Variants in STK39 observed in about 807,000 individuals in gnomAD.
The protein encoded by STK39 is STE20/SPS1-related proline-alanine-rich protein kinase.
In STK39, 20 loss-of-function variants were observed where a neutral mutation model predicts 77.8. The observed-to-expected ratio is 0.26, with a 90% CI of 0.18 to 0.37. The LOEUF is 0.37. STK39 is among the 10% of genes least tolerant of loss of function. The pLI is 1.00. For missense variants in STK39, 479 were observed against 656.5 expected (o/e 0.73, Z 2.95); for synonymous variants, 246 against 234.1 (o/e 1.05, Z -0.47).
chr2:168,094,212 T>G (rs1686602367), intron 10 of STK39, among the ~76,000 whole-genome samples: 1 of 152,208 alleles, frequency 6.6e-6, no homozygotes. Flanking sequence ...CAGGCTCAAA[T>G]TCACACTGCC....
rs375929537 is a variant in STK39, at chr2:168,125,220, C to CA, written c.1089+4320dup. On this transcript the variant is annotated intron_variant, in intron 10 of 17. Coordinates refer to ENST00000355999, the MANE Select transcript of STK39 (RefSeq NM_013233.3). ...TATAATAAGAACTGATTTTGATAAT[C>CA]AAAAAAAAAAAGAAGATGCACACAG... 8.4e-3 allele frequency among the ~76,000 whole-genome samples: 1,188 copies of CA among 141,464 alleles called. 13 individuals carry two copies. The highest frequency in any genetic ancestry group is 0.026 in the African/African-American group (1,019 of 38,996). 92.8% of individuals were successfully genotyped at this position (141,464 alleles called of 152,430 possible). A position where few individuals can be genotyped will look rare whatever the true frequency, so the allele number is the denominator to read the frequency against.
intron 17 of STK39, among the ~76,000 whole-genome samples, chr2:167,962,122 AG>A (rs1411798379): frequency 6.6e-6 from 1 of 152,206 alleles, no homozygotes; most frequent in Admixed American, 6.5e-5. Context: ...GACAATTTTC[AG>A]GCCCCTGACG....
At chr2:168,073,420 C>T (rs1302634323) in intron 12 of STK39, among the ~76,000 whole-genome samples, 2 of 152,132 alleles carry the variant, frequency 1.3e-5, no homozygotes, top group Non-Finnish European at 2.9e-5. Flanking sequence ...AGAACTGACA[C>T]TTTTAGTAAG....
intron 2 of STK39, among the ~76,000 whole-genome samples, chr2:168,175,967 T>C (rs1053788361): frequency 6.6e-6 from 1 of 152,216 alleles, no homozygotes; most frequent in South Asian, 2.1e-4. Context: ...TTCAGTGAAG[T>C]AGGCTTGCAT....
intron 16 of STK39, among the ~76,000 whole-genome samples, chr2:167,994,974 G>A (rs1365598468): frequency 6.6e-6 from 1 of 151,960 alleles, no homozygotes; most frequent in African/African-American, 2.4e-5. Flanking sequence ...TTGCAAAGAT[G>A]ATGGGAGAGG....
rs1690117147 is a variant in STK39, at chr2:168,219,792, T to C, written c.208+27436A>G. Among the ~76,000 whole-genome samples the C allele has an allele frequency of 3.3e-5, 5 of 151,730 alleles. No homozygotes were observed. The South Asian group carries it at 6.2e-4, about 19-fold the overall frequency. On this transcript the variant is annotated intron_variant, in intron 1 of 17. Coordinates refer to ENST00000355999, the MANE Select transcript of STK39 (RefSeq NM_013233.3). ...AGACGAGACAGTGTTCACAACTTGATAGATGCCTTCCAGGCCCTGACAAGT... is the reference window on the plus strand; with the variant it reads ...AGACGAGACAGTGTTCACAACTTGACAGATGCCTTCCAGGCCCTGACAAGT...
intron 1 of STK39, among the ~76,000 whole-genome samples, chr2:168,216,631 T>C (rs992572675): frequency 3.9e-5 from 6 of 152,200 alleles, no homozygotes; most frequent in African/African-American, 7.2e-5. Context: ...ATCGCCATCC[T>C]CAGCTTGAGC....
chr2:168,047,068 T>A (rs1685262126), intron 14 of STK39, among the ~76,000 whole-genome samples: 1 of 152,218 alleles, frequency 6.6e-6, no homozygotes, highest in African/African-American at 2.4e-5. Context: ...TTGTTAAATA[T>A]CTTTTAGCCC....
chr2:168,159,324 G>A (rs919563453), intron 5 of STK39, among the ~76,000 whole-genome samples: 5 of 152,034 alleles, frequency 3.3e-5, no homozygotes, highest in Admixed American at 6.6e-5. Context: ...AAAAGGGACC[G>A]TCTCACCCCT....
chr2:168,021,230 A>G (rs1004777202), intron 14 of STK39, among the ~76,000 whole-genome samples: 4 of 152,168 alleles, frequency 2.6e-5, no homozygotes, highest in Non-Finnish European at 4.4e-5. Flanking sequence ...TGATGCTTCA[A>G]ATATTAATAA....
At chr2:168,013,445 T>A (rs559614450) in intron 15 of STK39, among the ~76,000 whole-genome samples, 49 of 152,306 alleles carry the variant, frequency 3.2e-4, no homozygotes, top group African/African-American at 1.2e-3. Flanking sequence ...AAAGGGAAAT[T>A]GATAAATTGC....
intron 16 of STK39, among the ~76,000 whole-genome samples, chr2:168,005,244 G>T (rs1415074144): frequency 6.6e-6 from 1 of 151,902 alleles, no homozygotes; most frequent in African/African-American, 2.4e-5. Flanking sequence ...GACATCAAGT[G>T]ATCTACTTGC....
intron 16 of STK39, among the ~76,000 whole-genome samples, chr2:167,993,961 G>A (rs1683766989): frequency 6.6e-6 from 1 of 152,152 alleles, no homozygotes; most frequent in Non-Finnish European, 1.5e-5. Flanking sequence ...AGGGCAAATG[G>A]AGCAATTTTT....
intron 1 of STK39, among the ~76,000 whole-genome samples, chr2:168,221,579 G>T (rs1272093385): frequency 6.6e-6 from 1 of 152,112 alleles, no homozygotes; most frequent in Non-Finnish European, 1.5e-5. Context: ...CTTCCTTTAG[G>T]ATCAACAGTA....
At chr2:168,013,696 C>G (rs536708898) in intron 15 of STK39, among the ~76,000 whole-genome samples, 3 of 152,060 alleles carry the variant, frequency 2.0e-5, no homozygotes, top group Non-Finnish European at 1.5e-5. Flanking sequence ...AGCATCTAAA[C>G]GAAATTGCGG....
At chr2:168,204,939 A>G (rs1302494586) in intron 1 of STK39, among the ~76,000 whole-genome samples, 1 of 152,232 alleles carries the variant, frequency 6.6e-6, no homozygotes, top group Non-Finnish European at 1.5e-5. Context: ...ATACTGGTGT[A>G]AACCAAAAAC....
intron 5 of STK39, among the ~76,000 whole-genome samples, chr2:168,158,678 G>A (rs531656256): frequency 1.3e-5 from 2 of 152,124 alleles, no homozygotes; most frequent in East Asian, 1.9e-4. Flanking sequence ...CTTATTCTAC[G>A]TGTGACCTGG....
intron 12 of STK39, 58 bp from the exon 13 acceptor site, chr2:168,065,439 G>T: frequency 6.5e-7 from 1 of 1,549,316 alleles, no homozygotes; most frequent in Non-Finnish European, 8.9e-7. Flanking sequence ...CACGGTGAGT[G>T]TGGTTACATT....
At chr2:168,178,472 A>T (rs934059097) in intron 2 of STK39, among the ~76,000 whole-genome samples, 5 of 152,222 alleles carry the variant, frequency 3.3e-5, no homozygotes, top group Non-Finnish European at 7.3e-5. Context: ...TTAAACTAAA[A>T]TGAATTTTTA....
Sources: gnomAD v4.1 joint callset for allele counts (sites outside exome capture counted in the v4.1 genomes callset) on GRCh38, gnomAD v4.1.1 for gene constraint, MANE v1.5 for transcripts, NCBI Gene and HGNC (gene_info 2026-07-23, HGNC 2026-07-21) for gene names.